Variants in AGR3 observed in about 807,000 individuals in gnomAD.
AGR3 encodes the protein anterior gradient 3, protein disulphide isomerase family member, also known as anterior gradient protein 3.
AGR3 carries 37 observed loss-of-function variants against 24.5 expected under a neutral mutation model. The observed-to-expected ratio is 1.51, with a 90% CI of 1.16 to 1.99. AGR3 has a LOEUF of 1.99. Ranked by LOEUF, AGR3 falls within the 30% of genes most tolerant of loss-of-function variation. The pLI, the probability that AGR3 is intolerant of heterozygous loss-of-function variation, is 0.00. For synonymous variants in AGR3, 75 were observed against 61.6 expected, an observed-to-expected ratio of 1.22 and a Z score of -1.02; for missense variants, 228 against 191.1, an observed-to-expected ratio of 1.19 and a Z score of -1.14.
At chr7:16,857,063 C>T (rs935603259), downstream of AGR3, among the ~76,000 whole-genome samples, 25 of 150,612 alleles carry the variant, frequency 1.7e-4, no homozygotes, top group African/African-American at 5.9e-4. Flanking sequence ...GATCATAGCT[C>T]ATTGCAGCCA....
At position 16,865,093 on chromosome 7, in the gene AGR3, T is replaced by C. The variant is rs573470263; in HGVS notation, c.174-2431A>G. 6 of 751,272 alleles carry C rather than the reference T, an allele frequency of 8.0e-6. No individual in the cohort carries two copies. The East Asian group carries it at 1.2e-4, about 15-fold the overall frequency. The allele number at this position is 751,272 out of a possible 1,614,324, so 46.5% of individuals were successfully genotyped here. Reference sequence around the variant, plus strand: ...GATTCTGTTAAAGATGCTCTTTTACTGTATAAAATTTTCCCCAAAGCTCGG... The same window carrying C: ...GATTCTGTTAAAGATGCTCTTTTACCGTATAAAATTTTCCCCAAAGCTCGG... On this transcript the variant is annotated intron_variant, in intron 3 of 7. Coordinates refer to ENST00000310398, the MANE Select transcript of AGR3 (RefSeq NM_176813.5).
chr7:16,862,042 GC>G lies in AGR3; in HGVS notation c.244del (p.Ala82ProfsTer17), dbSNP rs1781660746. 6.2e-7 allele frequency: 1 copy of G among 1,613,156 alleles called. No homozygotes were observed. The highest frequency in any genetic ancestry group is 8.5e-7 in the Non-Finnish European group (1 of 1,179,490). Reference sequence around the variant, plus strand: ...CATTTCTTGTATTTCTTCATTTTGGGCAAATACTTTCTTTAGTGCTATAGGG... The same window carrying G: ...CATTTCTTGTATTTCTTCATTTTGGGAAATACTTTCTTTAGTGCTATAGGG... ...QYSQALKKVF[A>X]QNEEIQEMAQ... is the part of the protein sequence containing the mutation. On this transcript the variant is annotated frameshift_variant, in exon 5 of 8. Coordinates refer to ENST00000310398, the MANE Select transcript of AGR3 (RefSeq NM_176813.5). LOFTEE classifies it high-confidence loss of function.
chr7:16,865,730 A>C, intron 3 of AGR3: 1 of 761,454 alleles, frequency 1.3e-6, no homozygotes, highest in South Asian at 1.4e-5. Flanking sequence ...GCAAACTGCT[A>C]TCTGAGACTG....
At chr7:16,855,910 A>G (rs75850133), downstream of AGR3, among the ~76,000 whole-genome samples, 3 of 152,330 alleles carry the variant, frequency 2.0e-5, no homozygotes, top group East Asian at 3.9e-4. Flanking sequence ...TTGTAAGATT[A>G]TACCAATGAA....
At chr7:16,880,072 C>T (rs142965607) in intron 1 of AGR3, among the ~76,000 whole-genome samples, 397 of 141,288 alleles carry the variant, frequency 2.8e-3, no homozygotes, top group African/African-American at 0.01. Context: ...TCCTTCCTTC[C>T]CCTTCCTTCT....
intron 3 of AGR3, among the ~76,000 whole-genome samples, chr7:16,868,164 T>TC (rs1005296421): frequency 6.6e-6 from 1 of 151,148 alleles, no homozygotes; most frequent in Admixed American, 6.6e-5. Flanking sequence ...TTGTATGTCT[T>TC]TTTTTTTTGA....
intron 3 of AGR3, chr7:16,864,812 T>G: frequency 1.1e-6 from 1 of 911,356 alleles, no homozygotes; most frequent in Non-Finnish European, 1.9e-6. Flanking sequence ...ATCACACCTC[T>G]TGTAGCTATA....
intron 3 of AGR3, among the ~76,000 whole-genome samples, chr7:16,866,817 A>G (rs1476091197): frequency 1.3e-5 from 2 of 152,120 alleles, no homozygotes; most frequent in Non-Finnish European, 2.9e-5. Flanking sequence ...TACGTTGTAT[A>G]TTAGAGAAAG....
chr7:16,863,603 A>G (rs1583836838), intron 3 of AGR3, among the ~76,000 whole-genome samples: 1 of 152,228 alleles, frequency 6.6e-6, no homozygotes, highest in East Asian at 1.9e-4. Flanking sequence ...TATATTGTAT[A>G]TACCCAGATG....
chr7:16,873,613 C>A (rs1781926363), intron 3 of AGR3, 167 bp downstream of exon 3: 2 of 593,644 alleles, frequency 3.4e-6, no homozygotes, highest in South Asian at 2.2e-5. Flanking sequence ...GTGTTCCCAC[C>A]AGAAAGAAAT....
intron 1 of AGR3, among the ~76,000 whole-genome samples, chr7:16,879,908 C>T (rs974783473): frequency 1.3e-5 from 2 of 152,098 alleles, no homozygotes; most frequent in African/African-American, 4.8e-5. Flanking sequence ...TTTCTCCAGA[C>T]ATTTCCTCAT....
downstream of AGR3, among the ~76,000 whole-genome samples, chr7:16,855,635 G>A (rs368551485): frequency 2.8e-4 from 43 of 152,200 alleles, no homozygotes; most frequent in East Asian, 7.7e-3. Flanking sequence ...TCCATTTAGC[G>A]AAAAAGGCAG....
At chr7:16,874,993 G>A (rs1331751499) in intron 2 of AGR3, among the ~76,000 whole-genome samples, 1 of 152,012 alleles carries the variant, frequency 6.6e-6, no homozygotes, top group South Asian at 2.1e-4. Flanking sequence ...GCATGTGCCT[G>A]TAGTCCCAGC....
downstream of AGR3, among the ~76,000 whole-genome samples, chr7:16,854,923 T>G (rs1338984029): frequency 2.6e-5 from 4 of 152,154 alleles, no homozygotes; most frequent in Non-Finnish European, 5.9e-5. Flanking sequence ...CTTCTTTATA[T>G]AAGGAACCCA....
chr7:16,880,178 T>C (rs957695671), intron 1 of AGR3, among the ~76,000 whole-genome samples: 10 of 147,158 alleles, frequency 6.8e-5, no homozygotes, highest in East Asian at 2.1e-4. Flanking sequence ...TTCTTTCTTT[T>C]TTTTTTTTTT....
At position 16,860,271 on chromosome 7, in the gene AGR3, T is replaced by C. The variant is rs187111948; in HGVS notation, c.451+229A>G. ...TTAATGTGTACTATATTCTTTTTAG[T>C]GAGCTCAGAATTTAGTAATCCTAAA... On this transcript the variant is annotated intron_variant, in intron 7 of 7. Transcript: ENST00000310398. 7.6e-4 allele frequency among the ~76,000 whole-genome samples: 116 copies of C among 152,308 alleles called. 1 individual carries two copies. Among genetic ancestry groups the C allele is most frequent in the African/African-American group, 2.7e-3 (113 of 41,560 alleles).
chr7:16,871,274 A>T (rs1481108193), intron 3 of AGR3, among the ~76,000 whole-genome samples: 1 of 152,228 alleles, frequency 6.6e-6, no homozygotes, highest in East Asian at 1.9e-4. Context: ...AGTAATGAAG[A>T]CATTAATACA....
chr7:16,872,957 G>A (rs765223196), intron 3 of AGR3, among the ~76,000 whole-genome samples: 2 of 152,156 alleles, frequency 1.3e-5, no homozygotes, highest in Non-Finnish European at 2.9e-5. Context: ...AATAACAAAT[G>A]CTGGTGAGGA....
At position 16,859,782 on chromosome 7, in the gene AGR3, G is replaced by A. The variant is rs181699887; in HGVS notation, c.452-151C>T. 4.0e-5 allele frequency: 21 copies of A among 524,060 alleles called. No homozygotes were observed. In the East Asian group the frequency reaches 6.7e-4, roughly 17 times the overall value. The allele number at this position is 524,060 out of a possible 1,614,324, so 32.5% of individuals were successfully genotyped here. On this transcript the variant is annotated intron_variant, in intron 7 of 7. Transcript: ENST00000310398. ...TGACATTAAAGAATATGCTAAAAGT[G>A]TACATGTAAATTTAGGGATTAGACC...
Sources: gnomAD v4.1 joint callset for allele counts (sites outside exome capture counted in the v4.1 genomes callset) on GRCh38, gnomAD v4.1.1 for gene constraint, MANE v1.5 for transcripts, NCBI Gene and HGNC (gene_info 2026-07-23, HGNC 2026-07-21) for gene names.